The following ACOXL variants were observed in gnomAD, a reference collection of about 807,000 sequenced individuals.
ACOXL encodes acyl-coenzyme A oxidase-like protein.
ACOXL carries 70 observed loss-of-function variants against 71.9 expected under a neutral mutation model. The ratio of observed to expected loss-of-function variants is 0.97; its 90% CI spans 0.80 to 1.19. ACOXL has a LOEUF of 1.19. ACOXL is among the 50% of genes most tolerant of loss of function. The pLI is 0.00. For missense variants in ACOXL, 703 were observed against 736.3 expected (o/e 0.95, Z 0.52); for synonymous variants, 253 against 281.6 (o/e 0.90, Z 1.02).
At chr2:110,862,305 G>A (rs1036569906) in intron 10 of ACOXL, among the ~76,000 whole-genome samples, 2 of 152,114 alleles carry the variant, frequency 1.3e-5, no homozygotes, top group African/African-American at 2.4e-5. Context: ...GAGATTACAG[G>A]GCCAGAGTTA....
At chr2:110,819,790 G>T (rs183030038) in intron 9 of ACOXL, among the ~76,000 whole-genome samples, 26 of 152,248 alleles carry the variant, frequency 1.7e-4, no homozygotes, top group Admixed American at 1.2e-3. Flanking sequence ...CTAGAGAAGG[G>T]GCTGAGGATA....
chr2:110,983,768 T>C lies in ACOXL; in HGVS notation c.1060-3340T>C, dbSNP rs898535794. On this transcript the variant is annotated intron_variant, in intron 12 of 17. Coordinates refer to ENST00000439055, the MANE Select transcript of ACOXL (RefSeq NM_001142807.4). ...TAGGTCCATTTTAAGTAATGAAATA[T>C]CTAGAACTAAAACATGTAATGAATA... Among the ~76,000 whole-genome samples the C allele has an allele frequency of 2.0e-5, 3 of 152,198 alleles. No individual in the cohort carries two copies. The East Asian group carries it at 5.8e-4, about 29-fold the overall frequency.
chr2:110,768,490 G>T, intron 2 of ACOXL, 26 bp downstream of exon 2: 2 of 1,570,806 alleles, frequency 1.3e-6, no homozygotes, highest in South Asian at 2.2e-5. Context: ...ATTCTGGTAT[G>T]GTTGTGTGTG....
Position 110,943,746 on chromosome 2 carries a change from G to A in ACOXL, c.1059+10104G>A, listed in dbSNP as rs183136062. Among the ~76,000 whole-genome samples the A allele has an allele frequency of 1.4e-3, 208 of 152,274 alleles. 2 individuals are homozygous for A. Among genetic ancestry groups the A allele is most frequent in the African/African-American group, 4.8e-3 (199 of 41,538 alleles). ...CTTCCTACGGATTCTCTGTGCTAAT[G>A]AAAAGGCAGCTTATTGCCGTAGCAG... On this transcript the variant is annotated intron_variant, in intron 12 of 17. Transcript: ENST00000439055.
At chr2:110,904,319 G>A (rs779183896) in intron 10 of ACOXL, among the ~76,000 whole-genome samples, 10 of 152,164 alleles carry the variant, frequency 6.6e-5, no homozygotes, top group Non-Finnish European at 1.2e-4. Context: ...GCACACCAGT[G>A]TCTGAGAATT....
In ACOXL at chr2:111,019,088, AG is replaced by A. The variant is rs2064615967; in HGVS notation, c.1282-12536del. 2.0e-5 allele frequency among the ~76,000 whole-genome samples: 3 copies of A among 152,192 alleles called. No homozygotes were observed. The South Asian group carries it at 6.2e-4, about 32-fold the overall frequency. ...TTATGTCAGCTTTAAGCAGTCACTA[AG>A]GGCAGTCAGGTTCCATAACATAGTC... On this transcript the variant is annotated intron_variant, in intron 14 of 17. Coordinates refer to ENST00000439055, the MANE Select transcript of ACOXL (RefSeq NM_001142807.4).
chr2:111,086,959 AG>A (rs551240378), intron 16 of ACOXL, among the ~76,000 whole-genome samples: 205 of 152,356 alleles, frequency 1.3e-3, no homozygotes, highest in Non-Finnish European at 2.0e-3. Context: ...AGCAAATTTC[AG>A]GATACAAAAT....
At chr2:110,758,440 G>C (rs541543598) in intron 1 of ACOXL, among the ~76,000 whole-genome samples, 24 of 152,196 alleles carry the variant, frequency 1.6e-4, no homozygotes, top group Middle Eastern at 3.4e-3. Flanking sequence ...ATGTCAATGG[G>C]AGTTTAATGT....
chr2:110,799,437 C>T (rs1446938921), intron 7 of ACOXL, among the ~76,000 whole-genome samples: 1 of 152,158 alleles, frequency 6.6e-6, no homozygotes, highest in African/African-American at 2.4e-5. Context: ...CTTCTTTGTA[C>T]CCCTGGCCAC....
chr2:110,949,437 A>G (rs1421536057), intron 12 of ACOXL, among the ~76,000 whole-genome samples: 1 of 152,178 alleles, frequency 6.6e-6, no homozygotes, highest in African/African-American at 2.4e-5. Context: ...GTTGAGAGCC[A>G]TCAAGAAAAA....
chr2:110,956,303 G>A (rs931111325), intron 12 of ACOXL, among the ~76,000 whole-genome samples: 2 of 152,166 alleles, frequency 1.3e-5, no homozygotes, highest in East Asian at 1.9e-4. Flanking sequence ...ACTATGGGTA[G>A]CGTAGTGCCT....
intron 10 of ACOXL, among the ~76,000 whole-genome samples, chr2:110,896,903 T>C (rs2059031426): frequency 6.6e-6 from 1 of 152,090 alleles, no homozygotes; most frequent in Admixed American, 6.5e-5. Context: ...ATAGAACACT[T>C]CGTCCACCAA....
intron 11 of ACOXL, among the ~76,000 whole-genome samples, chr2:110,913,011 A>C (rs1344611343): frequency 6.6e-6 from 1 of 152,226 alleles, no homozygotes; most frequent in Non-Finnish European, 1.5e-5. Context: ...AAAAAGTTCT[A>C]AAAGTCATTA....
chr2:110,866,199 G>T (rs746911740), intron 10 of ACOXL, among the ~76,000 whole-genome samples: 3 of 152,174 alleles, frequency 2.0e-5, no homozygotes, highest in Non-Finnish European at 4.4e-5. Context: ...GGGGCCATGG[G>T]GCAAGCCAGG....
At chr2:110,935,206 G>C (rs2060617675) in intron 12 of ACOXL, among the ~76,000 whole-genome samples, 1 of 152,048 alleles carries the variant, frequency 6.6e-6, no homozygotes, top group African/African-American at 2.4e-5. Context: ...CTGTGGCCTT[G>C]ACAGGTGACT....
chr2:110,944,326 G>T (rs2061013480), intron 12 of ACOXL, among the ~76,000 whole-genome samples: 1 of 151,008 alleles, frequency 6.6e-6, no homozygotes, highest in Non-Finnish European at 1.5e-5. Context: ...AGTGCTGGGA[G>T]CCACCGTGCC....
At chr2:110,870,698 C>A (rs1016664694) in intron 10 of ACOXL, among the ~76,000 whole-genome samples, 1 of 152,230 alleles carries the variant, frequency 6.6e-6, no homozygotes, top group East Asian at 1.9e-4. Flanking sequence ...CACACCTGGA[C>A]TCTCACCTGC....
intron 16 of ACOXL, among the ~76,000 whole-genome samples, chr2:111,079,673 C>G (rs1558945895): frequency 6.6e-6 from 1 of 152,132 alleles, no homozygotes; most frequent in East Asian, 1.9e-4. Context: ...CCTAATCTAC[C>G]TGCCACTATT....
intron 16 of ACOXL, among the ~76,000 whole-genome samples, chr2:111,064,283 A>C (rs1307649794): frequency 1.3e-5 from 2 of 152,100 alleles, no homozygotes; most frequent in Non-Finnish European, 2.9e-5. Context: ...AAAAATACAA[A>C]AAATTAGCCG....
Sources: gnomAD v4.1 joint callset for allele counts (sites outside exome capture counted in the v4.1 genomes callset) on GRCh38, gnomAD v4.1.1 for gene constraint, MANE v1.5 for transcripts, NCBI Gene and HGNC (gene_info 2026-07-23, HGNC 2026-07-21) for gene names.